The following ERAP1 variants were observed in gnomAD, a reference collection of about 807,000 sequenced individuals.
ERAP1 encodes the protein adipocyte-derived leucine aminopeptidase.
ERAP1 carries 86 observed loss-of-function variants against 103.7 expected under a neutral mutation model. That is an observed-to-expected ratio of 0.83 (90% CI 0.70 to 0.99). ERAP1 has a LOEUF of 0.99. Among genes scored for constraint, ERAP1 ranks in the 50% least tolerant of loss-of-function variants. The probability of loss-of-function intolerance (pLI) is 0.00; values close to 1 mark genes in which losing one functional copy is unlikely to be tolerated. For missense variants in ERAP1, 1,009 were observed against 1,128.4 expected (o/e 0.89, Z 1.52); for synonymous variants, 398 against 402.4 (o/e 0.99, Z 0.13).
Position 96,800,931 on chromosome 5 carries a change from G to T in ERAP1, c.594C>A (p.Ala198=). The change falls in exon 3 of 19, where the codon GCC becomes GCA. Residue 198 remains alanine, a synonymous_variant. Coordinates refer to ENST00000443439, the MANE Select transcript of ERAP1 (RefSeq NM_001040458.3). The stretch of plus-strand genomic sequence containing the variant: ...TTTTGATTGAGAAACTTGCTTTGAA[G>T]GCAGGTTCATCAAAGCAGGGAAAGG... The part of the protein sequence containing the change: ...RMAFPCFDEP[A]FKASFSIKIR... 6.2e-7 allele frequency: 1 copy of T among 1,614,126 alleles called. No individual in the cohort carries two copies. The highest frequency in any genetic ancestry group is 8.5e-7 in the Non-Finnish European group (1 of 1,180,018).
At chr5:96,886,895 T>C in the ERAP1 span, 1 of 1,090,640 alleles carries the variant, frequency 9.2e-7, no homozygotes, top group Non-Finnish European at 1.2e-6. Context: ...TATGTTTATA[T>C]TACAAGAAGA....
At chr5:96,762,257 A>G (rs748492267) in exon 20 of ERAP1, 1 of 1,575,410 alleles carries the variant, frequency 6.3e-7, no homozygotes, top group South Asian at 1.1e-5. Flanking sequence ...TACTAATAAA[A>G]TTTTTTTCAA....
At chr5:96,816,662 C>T in the ERAP1 span, among the ~76,000 whole-genome samples, 4 of 152,232 alleles carry the variant, frequency 2.6e-5, no homozygotes, top group Middle Eastern at 3.4e-3. Context: ...CTTTGGTCAA[C>T]CTTAGGCATG....
chr5:96,920,499 T>G, the ERAP1 span, among the ~76,000 whole-genome samples: 5 of 152,198 alleles, frequency 3.3e-5, no homozygotes, highest in African/African-American at 1.2e-4. Context: ...GTCTTTTAAA[T>G]TTTTTGTTTT....
downstream of ERAP1, among the ~76,000 whole-genome samples, chr5:96,770,876 C>A (rs531191437): frequency 4.6e-5 from 7 of 152,176 alleles, no homozygotes; most frequent in South Asian, 1.5e-3. Flanking sequence ...TAAAATACCA[C>A]CATAGTATGT....
chr5:96,808,856 G>C (rs1200855733), upstream of ERAP1, among the ~76,000 whole-genome samples: 1 of 152,194 alleles, frequency 6.6e-6, no homozygotes, highest in African/African-American at 2.4e-5. Flanking sequence ...CAGACCCCAA[G>C]AGAGGGTTCT....
chr5:96,866,075 A>G, the ERAP1 span, among the ~76,000 whole-genome samples: 2 of 152,220 alleles, frequency 1.3e-5, no homozygotes, highest in Non-Finnish European at 2.9e-5. Context: ...TGTATTTACA[A>G]AAGGAGCCAT....
chr5:96,923,521 C>T, the ERAP1 span, among the ~76,000 whole-genome samples: 93 of 151,884 alleles, frequency 6.1e-4, no homozygotes, highest in African/African-American at 2.2e-3. Flanking sequence ...GGTGAAATCC[C>T]GTCTCTACTA....
intron 18 of ERAP1, chr5:96,776,990 A>G (rs1256777698): frequency 7.3e-6 from 1 of 137,158 alleles, no homozygotes; most frequent in Non-Finnish European, 1.7e-5. Context: ...CTGGCCTTGT[A>G]TGTTATTATA....
At chr5:96,768,420 G>C (rs1478951070) in intron 19 of ERAP1, 5 of 456,200 alleles carry the variant, frequency 1.1e-5, no homozygotes, top group South Asian at 4.7e-5. Context: ...ATCAAACGAT[G>C]ATATAGAGAA....
intron 3 of ERAP1, 64 bp downstream of exon 3, chr5:96,800,797 GC>G: frequency 7.1e-6 from 11 of 1,546,052 alleles, no homozygotes; most frequent in Middle Eastern, 3.4e-4. Context: ...CTGTCACTGG[GC>G]TAGTGCAAGT....
At chr5:96,794,476 C>T (rs1270626376) in intron 5 of ERAP1, among the ~76,000 whole-genome samples, 5 of 152,138 alleles carry the variant, frequency 3.3e-5, no homozygotes, top group Non-Finnish European at 7.4e-5. Flanking sequence ...AAGACATGAG[C>T]CACCGTGCCC....
chr5:96,829,395 G>A, the ERAP1 span, among the ~76,000 whole-genome samples: 2 of 152,158 alleles, frequency 1.3e-5, no homozygotes, highest in African/African-American at 4.8e-5. Flanking sequence ...AACACCCTTA[G>A]TAGGGAAGGA....
chr5:96,766,183 C>T lies in ERAP1; in HGVS notation c.2819-2955G>A. On this transcript the variant is annotated intron_variant, in intron 19 of 19. Coordinates refer to the ERAP1 transcript ENST00000296754. ...AAATTGCTAGATCGGATTTATGCTACCAAGATCTTTAAATTCAAACCTCCC... is the reference window on the plus strand; with the variant it reads ...AAATTGCTAGATCGGATTTATGCTATCAAGATCTTTAAATTCAAACCTCCC... 4.4e-6 allele frequency: 5 copies of T among 1,139,734 alleles called. No homozygotes were observed. In the South Asian group the frequency reaches 6.4e-5, roughly 15 times the overall value. The allele number at this position is 1,139,734 out of a possible 1,614,324, so 70.6% of individuals were successfully genotyped here.
chr5:96,766,789 G>A (rs1770145493), intron 19 of ERAP1, among the ~76,000 whole-genome samples: 3 of 152,088 alleles, frequency 2.0e-5, no homozygotes, highest in Non-Finnish European at 2.9e-5. Flanking sequence ...TTCCATGCCT[G>A]TTCATCAAAT....
chr5:96,791,394 G>A (rs1053576306), intron 8 of ERAP1, among the ~76,000 whole-genome samples: 7 of 152,100 alleles, frequency 4.6e-5, no homozygotes, highest in East Asian at 1.9e-4. Context: ...GTTTGCTACC[G>A]GTAAAACAAC....
chr5:96,802,974 G>C (rs1478692907), intron 2 of ERAP1, among the ~76,000 whole-genome samples: 8 of 152,034 alleles, frequency 5.3e-5, no homozygotes, highest in Admixed American at 4.6e-4. Context: ...ATTCTACCCA[G>C]AGTCTGGAGG....
the ERAP1 span, chr5:96,909,203 T>C: frequency 1.1e-5 from 15 of 1,359,404 alleles, no homozygotes; most frequent in South Asian, 1.2e-4. Context: ...TGTGAAGTCC[T>C]TGAGGTTAAA....
the ERAP1 span, among the ~76,000 whole-genome samples, chr5:96,911,256 C>T: frequency 2.0e-5 from 3 of 152,186 alleles, no homozygotes; most frequent in East Asian, 1.9e-4. Flanking sequence ...CTAGTACAAT[C>T]TCTACCATAT....
Sources: gnomAD v4.1 joint callset for allele counts (sites outside exome capture counted in the v4.1 genomes callset) on GRCh38, gnomAD v4.1.1 for gene constraint, MANE v1.5 for transcripts, NCBI Gene and HGNC (gene_info 2026-07-23, HGNC 2026-07-21) for gene names.